NPAS2: variants seen among roughly 807,000 people sequenced by gnomAD.
The protein encoded by NPAS2 is neuronal PAS domain-containing protein 2.
A neutral mutation model predicts 107.5 loss-of-function variants in NPAS2; 23 were observed. That is an observed-to-expected ratio of 0.21 (90% CI 0.15 to 0.30). The LOEUF is 0.30. Ranked by LOEUF, NPAS2 falls within the 10% of genes least tolerant of loss-of-function variation. The pLI is 1.00. For missense variants in NPAS2, 756 were observed against 1,043.3 expected (o/e 0.72, Z 3.79); for synonymous variants, 403 against 417.5 (o/e 0.97, Z 0.42).
intron 6 of NPAS2, 44 bp from the exon 7 acceptor site, chr2:100,949,323 T>A: frequency 8.9e-7 from 1 of 1,124,704 alleles, no homozygotes; most frequent in Non-Finnish European, 1.4e-6. Context: ...GTCTGTGCAA[T>A]GCTCACGACC....
intron 7 of NPAS2, among the ~76,000 whole-genome samples, chr2:100,953,668 A>C (rs1044935085): frequency 5.3e-5 from 8 of 152,292 alleles, no homozygotes; most frequent in African/African-American, 1.9e-4. Context: ...GAAGGGTTGC[A>C]TCTATGATGT....
intron 5 of NPAS2, among the ~76,000 whole-genome samples, chr2:100,938,123 G>T (rs2104976652): frequency 6.6e-6 from 1 of 152,330 alleles, no homozygotes; most frequent in South Asian, 2.1e-4. Context: ...CAGAAATGGG[G>T]ACTGATGAGA....
In NPAS2 at chr2:100,987,937, A is replaced by G; in HGVS notation, c.1630-142A>G. On this transcript the variant is annotated intron_variant, in intron 16 of 20. Transcript: ENST00000335681. ...GAGCTTGGGGCATCACAGGTGCTCC[A>G]TGTCCACCAGTGGAGTAAATGAACT... 5.7e-6 allele frequency: 5 copies of G among 877,422 alleles called. No individual in the cohort carries two copies. In the South Asian group the frequency reaches 6.3e-5, roughly 11 times the overall value. The allele number at this position is 877,422 out of a possible 1,614,324, so 54.4% of individuals were successfully genotyped here.
intron 1 of NPAS2, among the ~76,000 whole-genome samples, chr2:100,880,248 G>A (rs1234241327): frequency 1.3e-5 from 2 of 152,162 alleles, no homozygotes; most frequent in Admixed American, 1.3e-4. Context: ...ATTACCATAT[G>A]ACCCAGCAGT....
intron 7 of NPAS2, among the ~76,000 whole-genome samples, chr2:100,958,641 AGGAATGGTCAGGCTTTT>A (rs1299137544): frequency 6.6e-6 from 1 of 152,222 alleles, no homozygotes; most frequent in Non-Finnish European, 1.5e-5. Context: ...TGGAACAATG[AGGAATGGTCAGGCTTTT>A]AAGCAACCTC....
intron 1 of NPAS2, among the ~76,000 whole-genome samples, chr2:100,842,672 C>T (rs115756117): frequency 1.6e-4 from 24 of 152,254 alleles, no homozygotes; most frequent in Non-Finnish European, 3.1e-4. Flanking sequence ...ACTTCACTGG[C>T]CTAGAGAAAC....
rs144628060 is a variant in NPAS2 at position 100,975,495 on chromosome 2, G to A, written c.1320G>A (p.Pro440=). The A allele has an allele frequency of 5.1e-5, 82 of 1,613,482 alleles. No homozygotes were observed. The African/African-American group carries it at 6.1e-4, about 12-fold the overall frequency. Residue 440 remains proline, a synonymous_variant, in exon 14 of 21, where the codon CCG becomes CCA. Transcript: ENST00000335681. ...AGCTGATGGCAGAGGCCAGCACCCC[G>A]GCTTTGCCAAGATCAGCCACCCTGC... ...PTKLMAEAST[P]ALPRSATLPQ...
At chr2:100,912,528 G>T (rs1682624332) in intron 2 of NPAS2, among the ~76,000 whole-genome samples, 1 of 152,162 alleles carries the variant, frequency 6.6e-6, no homozygotes, top group South Asian at 2.1e-4. Flanking sequence ...ACTAGGGTAG[G>T]GCTTGGCAGG....
chr2:100,943,262 G>C (rs766055515), intron 5 of NPAS2, among the ~76,000 whole-genome samples: 5 of 152,238 alleles, frequency 3.3e-5, no homozygotes, highest in Non-Finnish European at 7.3e-5. Flanking sequence ...GTCTCATGGA[G>C]TTGTACTTTG....
chr2:100,873,305 T>TACACACACACAC (rs1369269644), intron 1 of NPAS2, among the ~76,000 whole-genome samples: 1 of 38,272 alleles, frequency 2.6e-5, no homozygotes, highest in East Asian at 6.7e-4. Context: ...TATATATATA[T>TACACACACACAC]ATACACACAC....
chr2:100,942,968 A>G (rs912766127), intron 5 of NPAS2, among the ~76,000 whole-genome samples: 1 of 152,164 alleles, frequency 6.6e-6, no homozygotes, highest in African/African-American at 2.4e-5. Flanking sequence ...ATGTGCTGCA[A>G]TTCCTGCATT....
chr2:100,906,285 G>A (rs1682141538), intron 2 of NPAS2, among the ~76,000 whole-genome samples: 1 of 152,140 alleles, frequency 6.6e-6, no homozygotes, highest in Non-Finnish European at 1.5e-5. Context: ...GACTAGATTA[G>A]ACCAGACTAG....
intron 2 of NPAS2, among the ~76,000 whole-genome samples, chr2:100,907,242 A>G (rs978832468): frequency 6.6e-6 from 1 of 152,174 alleles, no homozygotes; most frequent in African/African-American, 2.4e-5. Flanking sequence ...AATCTGGGCT[A>G]AAAGTTCCTA....
intron 10 of NPAS2, among the ~76,000 whole-genome samples, chr2:100,967,943 C>T (rs925213342): frequency 6.6e-6 from 1 of 151,816 alleles, no homozygotes; most frequent in African/African-American, 2.4e-5. Context: ...GCTCCAAAGA[C>T]AGCTCTGCCT....
chr2:100,948,912 T>C (rs1388046303), intron 6 of NPAS2, among the ~76,000 whole-genome samples: 7 of 152,212 alleles, frequency 4.6e-5, no homozygotes, highest in African/African-American at 1.7e-4. Flanking sequence ...TAATGAAGCA[T>C]ACACAATTGC....
chr2:100,979,508 T>A lies in NPAS2; in HGVS notation c.1482+1709T>A, dbSNP rs199663877. On this transcript the variant is annotated intron_variant, in intron 15 of 20. Transcript: ENST00000335681. ...TATATATATATATATATATATTTTT[T>A]TTTTTTTTTTTTTTTTTTTTCTGAG... 7.8e-3 allele frequency among the ~76,000 whole-genome samples: 736 copies of A among 94,596 alleles called. 3 individuals are homozygous for A. The highest frequency in any genetic ancestry group is 0.028 in the South Asian group (64 of 2,312). 62.1% of individuals were successfully genotyped at this position (94,596 alleles called of 152,430 possible). A position where few individuals can be genotyped will look rare whatever the true frequency, so the allele number is the denominator to read the frequency against.
chr2:100,821,008 C>T, intron 1 of NPAS2: 1 of 1,285,908 alleles, frequency 7.8e-7, no homozygotes. Flanking sequence ...CACCCCAACT[C>T]CGGAGCTCCC....
intron 17 of NPAS2, 42 bp downstream of exon 17, chr2:100,988,318 C>T: frequency 1.3e-6 from 2 of 1,545,864 alleles, no homozygotes; most frequent in Non-Finnish European, 1.8e-6. Context: ...GCCTCTAGAG[C>T]AGACACCCTC....
At chr2:100,823,348 G>A (rs957195888) in intron 1 of NPAS2, among the ~76,000 whole-genome samples, 1 of 152,142 alleles carries the variant, frequency 6.6e-6, no homozygotes, top group African/African-American at 2.4e-5. Context: ...GGCATTTTAA[G>A]CAAAGTCATT....
Sources: gnomAD v4.1 joint callset for allele counts (sites outside exome capture counted in the v4.1 genomes callset) on GRCh38, gnomAD v4.1.1 for gene constraint, MANE v1.5 for transcripts, NCBI Gene and HGNC (gene_info 2026-07-23, HGNC 2026-07-21) for gene names.